Variants in ERICH2 observed in about 807,000 individuals in gnomAD.
ERICH2 encodes the protein glutamate-rich protein 2.
In ERICH2, 17 loss-of-function variants were observed where a neutral mutation model predicts 17.4. The ratio of observed to expected loss-of-function variants is 0.98; its 90% confidence interval spans 0.67 to 1.47. The LOEUF is 1.47. Ranked by LOEUF, ERICH2 falls within the 40% of genes most tolerant of loss-of-function variation. The pLI is 0.00. For missense variants in ERICH2, 186 were observed against 183.2 expected (o/e 1.01, Z -0.09); for synonymous variants, 51 against 61.1 (o/e 0.83, Z 0.77).
At chr2:170,777,566 T>G in the ERICH2 span, 1 of 1,107,784 alleles carries the variant, frequency 9.0e-7, no homozygotes, top group Non-Finnish European at 1.1e-6. Context: ...TTAAAAATCC[T>G]AAATATTTGC....
chr2:170,796,753 C>G (rs978131566), intron 3 of ERICH2, among the ~76,000 whole-genome samples: 1 of 151,902 alleles, frequency 6.6e-6, no homozygotes, highest in Admixed American at 6.6e-5. Flanking sequence ...TTGTGTCTTA[C>G]TTTTAGCCAG....
At chr2:170,796,440 G>GTTT (rs370083171) in intron 3 of ERICH2, among the ~76,000 whole-genome samples, 37,535 of 82,560 alleles carry the variant, frequency 0.45, 5,720 homozygotes, top group Middle Eastern at 0.52. Context: ...TTTTTTTTTT[G>GTTT]TTTTTTTTTT....
At chr2:170,775,133 T>C in the ERICH2 span, among the ~76,000 whole-genome samples, 1 of 10,808 alleles carries the variant, frequency 9.3e-5, no homozygotes, top group African/African-American at 1.1e-4. Context: ...AGGAGAGGAC[T>C]GCTCTAAAGG....
chr2:170,798,445 A>G (rs371186549), intron 4 of ERICH2, among the ~76,000 whole-genome samples: 11 of 152,196 alleles, frequency 7.2e-5, no homozygotes, highest in African/African-American at 2.4e-4. Context: ...CCTTGTCTCA[A>G]TTCCTTTCAA....
rs1701321517 is a variant in ERICH2, at chr2:170,792,854, G to A, written c.217-9G>A. The A allele has an allele frequency of 2.0e-6, 3 of 1,496,860 alleles. No homozygotes were observed. Among genetic ancestry groups the A allele is most frequent in the Non-Finnish European group, 2.7e-6 (3 of 1,115,446 alleles). 92.7% of individuals were successfully genotyped at this position (1,496,860 alleles called of 1,614,324 possible). A position where few individuals can be genotyped will look rare whatever the true frequency, so the allele number is the denominator to read the frequency against. Reference sequence around the variant, plus strand: ...AATTCACTTATCTGAAGAATTTAATGTTTTCCAGTTTCTGAGAGCAGAAAT... The same window carrying A: ...AATTCACTTATCTGAAGAATTTAATATTTTCCAGTTTCTGAGAGCAGAAAT... On this transcript the variant is annotated splice_polypyrimidine_tract_variant and intron_variant, in intron 2 of 4. Coordinates refer to ENST00000409885, the Ensembl canonical transcript of ERICH2.
At chr2:170,795,537 G>A (rs929278675) in intron 3 of ERICH2, among the ~76,000 whole-genome samples, 32 of 151,896 alleles carry the variant, frequency 2.1e-4, no homozygotes, top group Non-Finnish European at 2.6e-4. Flanking sequence ...TTGTAGAGGC[G>A]GGGTTTCACC....
the ERICH2 span, chr2:170,777,441 CT>C: frequency 8.3e-7 from 1 of 1,209,498 alleles, no homozygotes; most frequent in Non-Finnish European, 1.0e-6. Context: ...TGATTTATTA[CT>C]TTGAAAGAAT....
intron 1 of ERICH2, 38 bp from the exon 7 acceptor site, chr2:170,784,608 C>T (rs532247228): frequency 6.4e-5 from 84 of 1,313,950 alleles, no homozygotes; most frequent in Non-Finnish European, 7.9e-5. Context: ...GCGAACTTTT[C>T]GATCTCTTTT....
chr2:170,774,856 T>C, the ERICH2 span, among the ~76,000 whole-genome samples: 451 of 151,022 alleles, frequency 3.0e-3, 2 homozygotes, highest in African/African-American at 0.011. Flanking sequence ...ATTACAGGCA[T>C]GAGCCACCAC....
Position 170,796,440 on chromosome 2 carries a change from G to GTT in ERICH2, c.275-1589_275-1588dup, listed in dbSNP as rs370083171. 1.8e-3 allele frequency among the ~76,000 whole-genome samples: 146 copies of GTT among 83,392 alleles called. 1 individual carries two copies. Among genetic ancestry groups the GTT allele is most frequent in the East Asian group, 4.1e-3 (7 of 1,688 alleles). 54.7% of individuals were successfully genotyped at this position (83,392 alleles called of 152,430 possible). Reference sequence around the variant, plus strand: ...TCTCTCTCTCTTTGTTTTTTTTTTTGTTTTTTTTTTTTTGAGACAGCGTCT... The same window carrying GTT: ...TCTCTCTCTCTTTGTTTTTTTTTTTGTTTTTTTTTTTTTTTGAGACAGCGTCT... On this transcript the variant is annotated intron_variant, in intron 3 of 4. Coordinates refer to ENST00000409885, the Ensembl canonical transcript of ERICH2.
intron 2 of ERICH2, among the ~76,000 whole-genome samples, chr2:170,792,538 C>T (rs1013829953): frequency 2.0e-5 from 3 of 151,950 alleles, no homozygotes; most frequent in Non-Finnish European, 4.4e-5. Flanking sequence ...TGTATCTGAA[C>T]CAAAGGAATA....
the ERICH2 span, among the ~76,000 whole-genome samples, chr2:170,772,309 T>C: frequency 6.6e-6 from 1 of 152,240 alleles, no homozygotes; most frequent in African/African-American, 2.4e-5. Flanking sequence ...CTGGCCTCCC[T>C]GAGCTGTAAA....
chr2:170,790,192 A>G (rs1031582225), intron 2 of ERICH2, among the ~76,000 whole-genome samples: 3 of 152,244 alleles, frequency 2.0e-5, no homozygotes, highest in African/African-American at 7.2e-5. Flanking sequence ...TGAATGTAAA[A>G]GAAAAATAAA....
chr2:170,780,837 A>G (rs1363229230), upstream of ERICH2, among the ~76,000 whole-genome samples: 2 of 152,240 alleles, frequency 1.3e-5, no homozygotes, highest in African/African-American at 2.4e-5. Flanking sequence ...TAGATCAGCT[A>G]TGAGAGCATA....
chr2:170,793,029 A>G, intron 3 of ERICH2, 109 bp downstream of exon 8: 2 of 536,074 alleles, frequency 3.7e-6, no homozygotes, highest in Non-Finnish European at 6.5e-6. Flanking sequence ...ATTCCCTGAT[A>G]GTGTCTCAGT....
intron 2 of ERICH2, among the ~76,000 whole-genome samples, chr2:170,788,994 C>T (rs1701221194): frequency 1.3e-5 from 2 of 151,554 alleles, no homozygotes; most frequent in Non-Finnish European, 2.9e-5. Context: ...CAGAGTATTG[C>T]TCTGTCACCC....
At chr2:170,784,939 T>G in intron 2 of ERICH2, 106 bp downstream of exon 7, 1 of 943,346 alleles carries the variant, frequency 1.1e-6, no homozygotes, top group Non-Finnish European at 1.5e-6. Flanking sequence ...GTAGATCTCA[T>G]GGAGGCAGAA....
the ERICH2 span, among the ~76,000 whole-genome samples, chr2:170,772,582 A>G: frequency 1.3e-4 from 20 of 152,208 alleles, no homozygotes; most frequent in African/African-American, 4.8e-4. Context: ...ACTATATTAC[A>G]CTGTAAAGGA....
At chr2:170,786,245 C>G (rs1247150474) in intron 2 of ERICH2, among the ~76,000 whole-genome samples, 2 of 151,856 alleles carry the variant, frequency 1.3e-5, no homozygotes, top group African/African-American at 4.8e-5. Flanking sequence ...CTTGTTTTGT[C>G]TTAAAAGGTC....
Sources: gnomAD v4.1 joint callset for allele counts (sites outside exome capture counted in the v4.1 genomes callset) on GRCh38, gnomAD v4.1.1 for gene constraint, MANE v1.5 for transcripts, NCBI Gene and HGNC (gene_info 2026-07-23, HGNC 2026-07-21) for gene names.